Variants in PPP1R1C observed in about 807,000 individuals in gnomAD.
PPP1R1C encodes the protein protein phosphatase 1 regulatory inhibitor subunit 1C.
A neutral mutation model predicts 17.4 loss-of-function variants in PPP1R1C; 15 were observed. That is an observed-to-expected ratio of 0.86 (90% CI 0.58 to 1.33). The LOEUF is 1.33. Ranked by LOEUF, PPP1R1C falls within the 40% of genes most tolerant of loss-of-function variation. PPP1R1C has a pLI of 0.00. For missense variants in PPP1R1C, 143 were observed against 130.0 expected (o/e 1.10, Z -0.48); for synonymous variants, 35 against 43.1 (o/e 0.81, Z 0.73).
At position 181,976,988 on chromosome 2, in the gene PPP1R1C, A is replaced by C. The variant is rs1305538170; in HGVS notation, n.157+1724A>C. 1.3e-5 allele frequency among the ~76,000 whole-genome samples: 2 copies of C among 151,908 alleles called. No homozygotes were observed. The highest frequency in any genetic ancestry group is 2.4e-5 in the African/African-American group (1 of 41,354). ...CCCTGTCTCTACTAAAAATACAAAA[A>C]TTAGCTTGGCATGGTGACACATGCC... On this transcript the variant is annotated intron_variant and non_coding_transcript_variant, in intron 2 of 5. Transcript: ENST00000464264. The surrounding 1 kb of genome is among the most constrained non-coding windows in gnomAD (Gnocchi z 4.8).
At chr2:182,121,207 T>A (rs1689725509), downstream of PPP1R1C, among the ~76,000 whole-genome samples, 1 of 152,176 alleles carries the variant, frequency 6.6e-6, no homozygotes, top group Admixed American at 6.5e-5. Context: ...TCATTCTGAC[T>A]TGGATTCAAC....
intron 2 of PPP1R1C, among the ~76,000 whole-genome samples, chr2:182,016,645 A>G (rs1212313179): frequency 6.6e-6 from 1 of 152,202 alleles, no homozygotes; most frequent in Non-Finnish European, 1.5e-5. Context: ...TGGTATTTTT[A>G]TACAAGTAGT....
intron 1 of PPP1R1C, among the ~76,000 whole-genome samples, chr2:181,973,379 C>A (rs908756686): frequency 6.6e-6 from 1 of 152,264 alleles, no homozygotes; most frequent in East Asian, 1.9e-4. Context: ...GCAGAGTTTA[C>A]GCAGAGCCAG....
chr2:182,072,196 ATTACTAGAATAGGCAGATGCCATT>A (rs1445725699), intron 4 of PPP1R1C, among the ~76,000 whole-genome samples: 3 of 152,200 alleles, frequency 2.0e-5, no homozygotes, highest in Admixed American at 2.0e-4. Flanking sequence ...ACAATTCCTC[ATTACTAGAATAGGCAGATGCCATT>A]TTTATGGACT....
At chr2:182,108,629 A>G (rs938417295) in intron 4 of PPP1R1C, among the ~76,000 whole-genome samples, 1 of 152,196 alleles carries the variant, frequency 6.6e-6, no homozygotes, top group African/African-American at 2.4e-5. Context: ...GGCATCAGAT[A>G]TTCCATATAA....
chr2:182,009,079 C>G (rs1379517852), intron 2 of PPP1R1C, among the ~76,000 whole-genome samples: 1 of 152,140 alleles, frequency 6.6e-6, no homozygotes, highest in African/African-American at 2.4e-5. Context: ...ATGAATAATA[C>G]TACAATAAAC....
chr2:182,096,495 G>C (rs1249293831), intron 4 of PPP1R1C, among the ~76,000 whole-genome samples: 2 of 152,090 alleles, frequency 1.3e-5, no homozygotes, highest in Non-Finnish European at 2.9e-5. Flanking sequence ...TCTTAGCTTA[G>C]CTAATCAGGC....
Position 181,985,937 on chromosome 2 carries a change from AAGGGG to A in PPP1R1C, c.-173_-169del. ...CCAGGCATCACCGTGGATGTTGAAG[AAGGGG>A]GTTACTCAAACCTCGGCATCTTCAC... On this transcript the variant is annotated 5_prime_UTR_variant, in exon 1 of 5. It removes the in-frame stop codon of an upstream open reading frame in the 5' UTR. Transcript: ENST00000682840. The surrounding 1 kb of genome is among the most constrained non-coding windows in gnomAD (Gnocchi z 4.1). 1 of 620,184 alleles carries A rather than the reference AAGGGG, an allele frequency of 1.6e-6. No individual in the cohort carries two copies. The highest frequency in any genetic ancestry group is 1.8e-5 in the African/African-American group (1 of 54,732). 38.4% of individuals were successfully genotyped at this position (620,184 alleles called of 1,614,324 possible).
At chr2:182,116,006 A>G (rs1338057380) in intron 4 of PPP1R1C, among the ~76,000 whole-genome samples, 1 of 152,214 alleles carries the variant, frequency 6.6e-6, no homozygotes, top group African/African-American at 2.4e-5. Context: ...AGAAAGTTTC[A>G]GCTACTCTGA....
At chr2:182,105,621 T>C (rs72893179) in intron 4 of PPP1R1C, among the ~76,000 whole-genome samples, 53,756 of 152,030 alleles carry the variant, frequency 0.35, 10,093 homozygotes, top group Non-Finnish European at 0.41. Flanking sequence ...AGGGAAGTGC[T>C]ATAATCTCCA....
intron 4 of PPP1R1C, among the ~76,000 whole-genome samples, chr2:182,068,848 G>A (rs554344355): frequency 2.0e-5 from 3 of 152,232 alleles, no homozygotes; most frequent in African/African-American, 7.2e-5. Flanking sequence ...TGCAGCCTAC[G>A]CTTAGGCAAC....
Position 182,060,918 on chromosome 2 carries a change from A to G in PPP1R1C, c.143-524A>G, listed in dbSNP as rs115124200. The stretch of plus-strand genomic sequence containing the variant: ...CCTTCATACACAGCACAATCATAAG[A>G]AGCCACCCAAGCACTGTCATAAGAA... On this transcript the variant is annotated intron_variant, in intron 2 of 4. Coordinates refer to ENST00000682840, the MANE Select transcript of PPP1R1C (RefSeq NM_001080545.3). Among the ~76,000 whole-genome samples, 100 of 152,270 alleles carry G rather than the reference A, an allele frequency of 6.6e-4. 1 individual carries two copies. Among genetic ancestry groups the G allele is most frequent in the African/African-American group, 2.3e-3 (96 of 41,572 alleles).
intron 2 of PPP1R1C, among the ~76,000 whole-genome samples, chr2:182,021,153 T>C (rs1008323444): frequency 5.3e-5 from 8 of 152,132 alleles, no homozygotes; most frequent in African/African-American, 1.9e-4. Flanking sequence ...GAATCTTTGG[T>C]AATTCAGGCA....
chr2:182,048,264 A>C (rs1224969332), intron 2 of PPP1R1C, among the ~76,000 whole-genome samples: 1 of 152,052 alleles, frequency 6.6e-6, no homozygotes, highest in Non-Finnish European at 1.5e-5. Context: ...TAAGAACTCA[A>C]AGAAAAACAC....
chr2:182,032,317 G>A (rs968922484), intron 2 of PPP1R1C, among the ~76,000 whole-genome samples: 5 of 152,024 alleles, frequency 3.3e-5, no homozygotes, highest in African/African-American at 7.2e-5. Context: ...CTTTAATGTC[G>A]GTTTCTCAAT....
intron 2 of PPP1R1C, among the ~76,000 whole-genome samples, chr2:182,047,056 G>C (rs1006700262): frequency 6.6e-5 from 10 of 152,166 alleles, no homozygotes; most frequent in African/African-American, 1.9e-4. Flanking sequence ...GTGCCTCTCA[G>C]AACCATCTTT....
At chr2:182,003,327 T>C (rs765572227) in intron 2 of PPP1R1C, among the ~76,000 whole-genome samples, 1 of 152,154 alleles carries the variant, frequency 6.6e-6, no homozygotes, top group Non-Finnish European at 1.5e-5. Context: ...TTTGCTTTAT[T>C]CTTAGGCCTG....
chr2:181,975,846 A>G (rs1685084065), intron 2 of PPP1R1C, among the ~76,000 whole-genome samples: 1 of 152,002 alleles, frequency 6.6e-6, no homozygotes, highest in South Asian at 2.1e-4. Context: ...AGGGAGGTAA[A>G]TTCAATATGA....
intron 4 of PPP1R1C, among the ~76,000 whole-genome samples, chr2:182,074,058 T>C (rs1688218891): frequency 1.3e-5 from 2 of 150,912 alleles, no homozygotes; most frequent in Admixed American, 6.6e-5. Context: ...TTTTTTTTTT[T>C]TGAGACGGAG....
Sources: allele counts gnomAD v4.1 joint callset (sites outside exome capture counted in the v4.1 genomes callset), GRCh38; gene constraint gnomAD v4.1.1; non-coding constraint Gnocchi (gnomAD v3.1); transcripts MANE v1.5; gene names NCBI Gene and HGNC (gene_info 2026-07-23, HGNC 2026-07-21).